Variants in EFCAB12 observed in about 807,000 individuals in gnomAD.
EFCAB12 encodes the protein EF-hand calcium binding domain 12, also known as EF-hand calcium-binding domain-containing protein 12.
EFCAB12 carries 43 observed loss-of-function variants against 53.6 expected under a neutral mutation model. The ratio of observed to expected loss-of-function variants is 0.80; its 90% CI spans 0.63 to 1.03. The LOEUF (loss-of-function observed/expected upper bound fraction) is 1.03, where lower values mean the gene tolerates loss of function less well. Among genes scored for constraint, EFCAB12 ranks in the 50% least tolerant of loss-of-function variants. The probability of loss-of-function intolerance (pLI) is 0.00; values close to 1 mark genes in which losing one functional copy is unlikely to be tolerated. For missense variants in EFCAB12, 646 were observed against 730.6 expected (o/e 0.88, Z 1.34); for synonymous variants, 269 against 289.2 (o/e 0.93, Z 0.71).
chr3:129,408,532 C>A, intron 6 of EFCAB12, 113 bp downstream of exon 6: 1 of 1,161,446 alleles, frequency 8.6e-7, no homozygotes. Context: ...AATGTCCCCA[C>A]CAGAGATTAC....
chr3:129,417,400 G>GTAAATATT (rs2072132524), intron 3 of EFCAB12, among the ~76,000 whole-genome samples: 2 of 141,608 alleles, frequency 1.4e-5, no homozygotes, highest in African/African-American at 5.2e-5. Flanking sequence ...ACCTCAGATA[G>GTAAATATT]TAAATATTTT....
intron 6 of EFCAB12, among the ~76,000 whole-genome samples, chr3:129,407,800 G>T (rs1169774022): frequency 6.6e-6 from 1 of 152,176 alleles, no homozygotes; most frequent in Non-Finnish European, 1.5e-5. Context: ...TTTAGTCCCA[G>T]CTACTCAGGA....
chr3:129,419,713 C>T (rs2072166251), intron 2 of EFCAB12, among the ~76,000 whole-genome samples: 1 of 152,208 alleles, frequency 6.6e-6, no homozygotes, highest in African/African-American at 2.4e-5. Context: ...CTGACTGCAA[C>T]CTCATGAGGA....
intron 7 of EFCAB12, 73 bp from the exon 8 acceptor site, chr3:129,402,652 A>G: frequency 7.0e-7 from 1 of 1,438,278 alleles, no homozygotes; most frequent in East Asian, 2.3e-5. Flanking sequence ...GGAGTAGGTC[A>G]GGGCCGCAGG....
intron 7 of EFCAB12, 77 bp from the exon 8 acceptor site, chr3:129,402,656 C>T: frequency 7.1e-7 from 1 of 1,411,044 alleles, no homozygotes; most frequent in African/African-American, 1.4e-5. Flanking sequence ...TAGGTCAGGG[C>T]CGCAGGGGTG....
chr3:129,415,442 C>A, intron 3 of EFCAB12, 41 bp from the exon 4 acceptor site: 1 of 1,609,694 alleles, frequency 6.2e-7, no homozygotes, highest in African/African-American at 1.3e-5. Flanking sequence ...GGCTCCCATC[C>A]AAACATCCTG....
chr3:129,420,565 A>G (rs1216539268), intron 2 of EFCAB12, among the ~76,000 whole-genome samples: 2 of 152,110 alleles, frequency 1.3e-5, no homozygotes, highest in African/African-American at 2.4e-5. Context: ...CAACCTCACA[A>G]TCGTCATCCT....
chr3:129,425,819 C>T (rs2072264122), intron 1 of EFCAB12, among the ~76,000 whole-genome samples: 1 of 152,250 alleles, frequency 6.6e-6, no homozygotes, highest in Non-Finnish European at 1.5e-5. Flanking sequence ...GGGACACTCT[C>T]CTCAATGCCA....
chr3:129,421,662 C>A lies in EFCAB12; in HGVS notation c.191G>T (p.Arg64Leu). ...QTRRRIIMVP[R>L]KEDQTPLNPA... Reference sequence around the variant, plus strand: ...ATTAAGGGGTGTCTGATCCTCCTTGCGAGGCACCATGATGATTCGCCGGCG... The same window carrying A: ...ATTAAGGGGTGTCTGATCCTCCTTGAGAGGCACCATGATGATTCGCCGGCG... Residue 64 changes from arginine to leucine, a missense_variant, in exon 2 of 9, where the codon CGC becomes CTC. Transcript: ENST00000505956. The A allele has an allele frequency of 1.2e-6, 2 of 1,613,888 alleles. No homozygotes were observed. The highest frequency in any genetic ancestry group is 1.1e-5 in the South Asian group (1 of 91,070).
Position 129,411,221 on chromosome 3 carries a change from G to A in EFCAB12, c.972C>T (p.Pro324=). 1 of 1,613,676 alleles carries A rather than the reference G, an allele frequency of 6.2e-7. No homozygotes were observed. Among genetic ancestry groups the A allele is most frequent in the Non-Finnish European group, 8.5e-7 (1 of 1,179,772 alleles). Residue 324 remains proline, a synonymous_variant, in exon 5 of 9, where the codon CCC becomes CCT. Transcript: ENST00000505956. ...PAVDTQMETR[P]MTLEEMEEVG... is the part of the protein sequence containing the mutation. ...CTTCCTCCATCTCCTCCAGGGTCAT[G>A]GGCCGCGTCTCCATCTGCGTGTCGA...
At chr3:129,409,179 A>G (rs12633705) in intron 5 of EFCAB12, among the ~76,000 whole-genome samples, 9,529 of 152,280 alleles carry the variant, frequency 0.063, 932 homozygotes, top group East Asian at 0.44. Flanking sequence ...GGGCCACAAG[A>G]TGGCTCACAC....
At chr3:129,404,081 C>T (rs935176057) in intron 7 of EFCAB12, 169 bp downstream of exon 7, 4 of 814,838 alleles carry the variant, frequency 4.9e-6, no homozygotes, top group South Asian at 2.0e-5. Context: ...CAAGGGTGAC[C>T]CGGGACTGGC....
At position 129,421,706 on chromosome 3, in the gene EFCAB12, G is replaced by A. The variant is rs1559792012; in HGVS notation, c.147C>T (p.Asp49=). 1 of 1,613,796 alleles carries A rather than the reference G, an allele frequency of 6.2e-7. No individual in the cohort carries two copies. Among genetic ancestry groups the A allele is most frequent in the East Asian group, 2.2e-5 (1 of 44,878 alleles). ...AHCFKQFQQK[D]FRLPQTRRRI... is the part of the protein sequence containing the mutation. The stretch of plus-strand genomic sequence containing the variant: ...GCCGGCGGGTCTGAGGCAGGCGGAA[G>A]TCCTTCTGCTGGAACTGCTTGAAGC... Residue 49 remains aspartate (D), a synonymous_variant, in exon 2 of 9, where the codon GAC becomes GAT. Coordinates refer to ENST00000505956, the MANE Select transcript of EFCAB12 (RefSeq NM_207307.3).
Position 129,404,278 on chromosome 3 carries a change from C to T in EFCAB12, c.1375G>A (p.Gly459Ser), listed in dbSNP as rs2107735300. 1 of 1,613,744 alleles carries T rather than the reference C, an allele frequency of 6.2e-7. No homozygotes were observed. Among genetic ancestry groups the T allele is most frequent in the African/African-American group, 1.3e-5 (1 of 74,992 alleles). ...TCAGTCCTCTTAGACTTGCCAGGGCCCTGGGACCGGAGCAGAGCCAGATTC... is the reference window on the plus strand; with the variant it reads ...TCAGTCCTCTTAGACTTGCCAGGGCTCTGGGACCGGAGCAGAGCCAGATTC... ...SPNLALLRSQ[G>S]PGKSKRTDKK... Residue 459 changes from glycine (G) to serine (S), a missense_variant, in exon 7 of 9, where the codon GGC becomes AGC. Physicochemically the swap from Gly to Ser is moderately conservative, Grantham distance 56. Coordinates refer to ENST00000505956, the MANE Select transcript of EFCAB12 (RefSeq NM_207307.3).
intron 2 of EFCAB12, among the ~76,000 whole-genome samples, chr3:129,420,529 T>C (rs1355076424): frequency 6.6e-6 from 1 of 152,208 alleles, no homozygotes; most frequent in African/African-American, 2.4e-5. Flanking sequence ...TCCACATTTG[T>C]AAAAGGGGGA....
intron 4 of EFCAB12, chr3:129,413,233 T>G (rs186545032): frequency 6.6e-6 from 1 of 152,418 alleles, no homozygotes; most frequent in East Asian, 1.9e-4. Context: ...AGGAGCACCG[T>G]CATCTGGGAC....
intron 1 of EFCAB12, 102 bp downstream of exon 1, chr3:129,428,338 G>A (rs968510649): frequency 6.8e-7 from 1 of 1,470,960 alleles, no homozygotes; most frequent in Non-Finnish European, 9.3e-7. Flanking sequence ...CACCCAGAGG[G>A]GGTCGGCACA....
intron 2 of EFCAB12, among the ~76,000 whole-genome samples, chr3:129,419,589 T>TC (rs1475837345): frequency 1.3e-5 from 2 of 152,198 alleles, no homozygotes; most frequent in Admixed American, 6.5e-5. Context: ...TTTGGCTCCC[T>TC]CTCGTGCACC....
At chr3:129,427,688 C>G (rs2072289943) in intron 1 of EFCAB12, among the ~76,000 whole-genome samples, 1 of 152,180 alleles carries the variant, frequency 6.6e-6, no homozygotes, top group Admixed American at 6.5e-5. Flanking sequence ...TAGCCCCCAG[C>G]TCTCATCTCC....
Sources: gnomAD v4.1 joint callset for allele counts (sites outside exome capture counted in the v4.1 genomes callset) on GRCh38, gnomAD v4.1.1 for gene constraint, MANE v1.5 for transcripts, NCBI Gene and HGNC (gene_info 2026-07-23, HGNC 2026-07-21) for gene names.